Variants in TRIO observed in about 807,000 individuals in gnomAD.
The protein encoded by TRIO is trio Rho guanine nucleotide exchange factor, also known as triple functional domain protein.
A neutral mutation model predicts 351.9 loss-of-function variants in TRIO; 58 were observed. The observed-to-expected ratio is 0.16, with a 90% CI of 0.13 to 0.21. The LOEUF (loss-of-function observed/expected upper bound fraction) is 0.21, where lower values mean the gene tolerates loss of function less well. TRIO is among the 10% of genes least tolerant of loss of function. TRIO has a pLI of 1.00. For missense variants in TRIO, 3,201 were observed against 4,027.8 expected (o/e 0.79, Z 5.56); for synonymous variants, 1,758 against 1,595.7 (o/e 1.10, Z -2.42).
rs55892819 is a variant in TRIO, at chr5:14,508,145, G to T, written c.9017G>T (p.Arg3006Leu). The T allele has an allele frequency of 6.2e-7, 1 of 1,614,044 alleles. No homozygotes were observed. The highest frequency in any genetic ancestry group is 8.5e-7 in the Non-Finnish European group (1 of 1,180,046). The part of the protein sequence containing the change: ...SVEETCLNIC[R>L]LDFSFPDDYF... ...GAAGAGACCTGCCTGAACATTTGCC[G>T]CTTAGACTTTAGCTTCCCAGATGAC... The change falls in exon 57 of 57, where the codon CGC (arginine) becomes CTC (leucine). Residue 3006 changes from arginine (R) to leucine (L), a missense_variant. Arg to Leu is a moderately radical substitution (Grantham distance 102). This residue lies in a region of TRIO where 233 missense variants were observed against 292.6 expected (regional missense o/e 0.80). Coordinates refer to ENST00000344204, the MANE Select transcript of TRIO (RefSeq NM_007118.4).
intron 1 of TRIO, among the ~76,000 whole-genome samples, chr5:14,270,411 G>C (rs1003424760): frequency 2.0e-5 from 3 of 152,206 alleles, no homozygotes; most frequent in African/African-American, 7.2e-5. Flanking sequence ...GCTCCCCCTA[G>C]AGGTTTTAGG....
chr5:14,223,398 C>T (rs949582373), intron 1 of TRIO, among the ~76,000 whole-genome samples: 20 of 152,292 alleles, frequency 1.3e-4, no homozygotes, highest in African/African-American at 4.8e-4. Flanking sequence ...TCAGCGTGCA[C>T]TTTGAGAGCT....
In TRIO at chr5:14,296,382, T is replaced by A. The variant is rs184677487; in HGVS notation, c.1177-690T>A. ...TGGAGGTGGAAAGGGAAACTCCATA[T>A]GAGAGCTTGTTCTGCAAAAAGGGTG... On this transcript the variant is annotated intron_variant, in intron 6 of 56. Transcript: ENST00000344204. 2.0e-5 allele frequency among the ~76,000 whole-genome samples: 3 copies of A among 152,354 alleles called. No individual in the cohort carries two copies. In the East Asian group the frequency reaches 5.8e-4, roughly 29 times the overall value.
At position 14,487,528 on chromosome 5, in the gene TRIO, GGGCAGC is replaced by G. The variant is rs1756029131; in HGVS notation, c.6904_6909del (p.Ser2302_Gly2303del). The stretch of plus-strand genomic sequence containing the variant: ...GGGGCGGCGGCGGCGGCGGCAGCGG[GGGCAGC>G]GGCGGGGGTGGGGGCAGCGGCGGCG... On this transcript the variant is annotated inframe_deletion, in exon 48 of 57. Coordinates refer to ENST00000344204, the MANE Select transcript of TRIO (RefSeq NM_007118.4). 2.9e-6 allele frequency: 3 copies of G among 1,048,780 alleles called. No individual in the cohort carries two copies. In the South Asian group the frequency reaches 1.3e-4, roughly 46 times the overall value. The allele number at this position is 1,048,780 out of a possible 1,614,324, so 65.0% of individuals were successfully genotyped here.
At chr5:14,253,607 G>C (rs1794867086) in intron 1 of TRIO, among the ~76,000 whole-genome samples, 1 of 152,192 alleles carries the variant, frequency 6.6e-6, no homozygotes, top group Admixed American at 6.5e-5. Context: ...TCAGAGTGCT[G>C]GGATTGATTA....
At chr5:14,180,670 CA>C (rs534173663) in intron 1 of TRIO, among the ~76,000 whole-genome samples, 28 of 151,948 alleles carry the variant, frequency 1.8e-4, no homozygotes, top group African/African-American at 6.8e-4. Flanking sequence ...CCTATCTCTA[CA>C]AAAAAATAAA....
intron 23 of TRIO, 47 bp downstream of exon 23, chr5:14,387,894 G>T (rs1388027093): frequency 1.9e-6 from 3 of 1,580,722 alleles, no homozygotes; most frequent in South Asian, 1.1e-5. Flanking sequence ...GAAAAGTGAA[G>T]AGAATGTCAT....
At chr5:14,242,576 C>T (rs990875623) in intron 1 of TRIO, among the ~76,000 whole-genome samples, 6 of 152,108 alleles carry the variant, frequency 3.9e-5, no homozygotes, top group Non-Finnish European at 8.8e-5. Flanking sequence ...GTAACATGCT[C>T]CCCACTGCCC....
chr5:14,359,809 C>T (rs1024688923), intron 13 of TRIO, among the ~76,000 whole-genome samples: 5 of 152,186 alleles, frequency 3.3e-5, no homozygotes, highest in African/African-American at 1.2e-4. Context: ...AAGCGCTGAG[C>T]GGAACAGAAG....
chr5:14,372,590 T>A (rs1745216704), intron 18 of TRIO, among the ~76,000 whole-genome samples: 2 of 152,254 alleles, frequency 1.3e-5, no homozygotes, highest in Admixed American at 6.5e-5. Flanking sequence ...AAGTAGAGTT[T>A]GTCCAGAAAA....
At chr5:14,275,924 TTATA>T (rs991706288) in intron 2 of TRIO, among the ~76,000 whole-genome samples, 3 of 147,808 alleles carry the variant, frequency 2.0e-5, no homozygotes, top group African/African-American at 7.4e-5. Context: ...ATATGTATGT[TTATA>T]TATATGTGTG....
At chr5:14,364,059 A>C in intron 14 of TRIO, 132 bp downstream of exon 14, 1 of 856,906 alleles carries the variant, frequency 1.2e-6, no homozygotes. Context: ...CCTGTTCTTT[A>C]AAAGAACGTT....
chr5:14,403,975 G>GGTGGTGAGGGTGCAGGTT, intron 31 of TRIO, among the ~76,000 whole-genome samples: 1 of 145,106 alleles, frequency 6.9e-6, no homozygotes, highest in East Asian at 2.1e-4. Context: ...TGAGGGTACA[G>GGTGGTGAGGGTGCAGGTT]GTGGTGAGGG....
At chr5:14,274,441 A>G (rs920629071) in intron 2 of TRIO, among the ~76,000 whole-genome samples, 3 of 152,172 alleles carry the variant, frequency 2.0e-5, no homozygotes, top group Non-Finnish European at 4.4e-5. Context: ...GTTTAGTTTC[A>G]TAGGGAGTTT....
chr5:14,202,308 TTTTTTTTTTTTTTTTTTTTTTTG>T (rs1213597002), intron 1 of TRIO, among the ~76,000 whole-genome samples: 2 of 95,392 alleles, frequency 2.1e-5, no homozygotes, highest in South Asian at 4.3e-4. Flanking sequence ...TTTTTTTTTT[TTTTTTTTTTTTTTTTTTTTTTTG>T]CTCATCAGCT....
chr5:14,447,293 GT>G (rs996920471), intron 34 of TRIO, among the ~76,000 whole-genome samples: 5 of 152,110 alleles, frequency 3.3e-5, no homozygotes, highest in African/African-American at 1.2e-4. Flanking sequence ...CCAAAGCCAC[GT>G]TTTTTCCCCT....
chr5:14,250,111 A>G (rs1430949391), intron 1 of TRIO, among the ~76,000 whole-genome samples: 2 of 152,224 alleles, frequency 1.3e-5, no homozygotes, highest in Non-Finnish European at 2.9e-5. Context: ...TTACACCGAC[A>G]GAAACTGCAG....
At chr5:14,302,476 C>G (rs1405365015) in intron 7 of TRIO, among the ~76,000 whole-genome samples, 1 of 152,120 alleles carries the variant, frequency 6.6e-6, no homozygotes, top group Non-Finnish European at 1.5e-5. Flanking sequence ...TAGAGTGAAA[C>G]AGAGCTCAAA....
intron 9 of TRIO, among the ~76,000 whole-genome samples, chr5:14,324,445 T>A (rs1383075738): frequency 6.6e-6 from 1 of 152,248 alleles, no homozygotes; most frequent in African/African-American, 2.4e-5. Context: ...ATTATCTATT[T>A]TCTCTGTGTG....
Sources: allele counts gnomAD v4.1 joint callset (sites outside exome capture counted in the v4.1 genomes callset), GRCh38; gene constraint gnomAD v4.1.1; regional missense constraint gnomAD v4.1.1; transcripts MANE v1.5; gene names NCBI Gene and HGNC (gene_info 2026-07-23, HGNC 2026-07-21).